The following SLC1A6 variants were observed in gnomAD, a reference collection of about 807,000 sequenced individuals.
SLC1A6 encodes the protein solute carrier family 1 member 6, also known as excitatory amino acid transporter 4.
A neutral mutation model predicts 42.1 loss-of-function variants in SLC1A6; 15 were observed. The ratio of observed to expected loss-of-function variants is 0.36; its 90% CI spans 0.24 to 0.55. The LOEUF is 0.55. SLC1A6 is among the 20% of genes least tolerant of loss of function. The probability of loss-of-function intolerance (pLI) is 0.88; values close to 1 mark genes in which losing one functional copy is unlikely to be tolerated. For synonymous variants in SLC1A6, 317 were observed against 319.7 expected (o/e 0.99, Z 0.09); for missense variants, 542 against 772.5 (o/e 0.70, Z 3.54).
chr19:14,968,030 T>C (rs1305662210), intron 4 of SLC1A6, among the ~76,000 whole-genome samples: 1 of 152,202 alleles, frequency 6.6e-6, no homozygotes, highest in Non-Finnish European at 1.5e-5. Flanking sequence ...GGTCATATGT[T>C]ACATGCAACT....
In SLC1A6 at chr19:14,979,245, G is replaced by C. The variant is rs1327770174; in HGVS notation, c.-8+64C>G. ...AAACGTGCCTGTGTGCGGAGGCCAC[G>C]GGTTGGGGAGGTGGGGAGACGGGCA... On this transcript the variant is annotated intron_variant, in intron 1 of 9. Coordinates refer to ENST00000594383, the MANE Select transcript of SLC1A6 (RefSeq NM_005071.3). This position sits in a 1 kb window ranked among gnomAD's most constrained non-coding sequence, Gnocchi z 4.2. 1 of 117,238 alleles carries C rather than the reference G, an allele frequency of 8.5e-6. No individual in the cohort carries two copies. Among genetic ancestry groups the C allele is most frequent in the Non-Finnish European group, 1.8e-5 (1 of 56,512 alleles). The allele number at this position is 117,238 out of a possible 1,614,324, so 7.3% of individuals were successfully genotyped here.
chr19:14,959,276 A>G (rs1003086815), intron 6 of SLC1A6, among the ~76,000 whole-genome samples: 2 of 152,188 alleles, frequency 1.3e-5, no homozygotes, highest in Admixed American at 6.5e-5. Context: ...GCTTTTACCT[A>G]TTTAGAAAAG....
intron 1 of SLC1A6, among the ~76,000 whole-genome samples, chr19:14,998,793 T>C (rs2045859107): frequency 6.6e-6 from 1 of 152,178 alleles, no homozygotes; most frequent in Non-Finnish European, 1.5e-5. Flanking sequence ...CCTTTCCAGG[T>C]CTTCTCCCTG....
upstream of SLC1A6, among the ~76,000 whole-genome samples, chr19:14,983,082 T>C (rs1416390801): frequency 6.6e-6 from 1 of 152,232 alleles, no homozygotes; most frequent in Non-Finnish European, 1.5e-5. Flanking sequence ...CACTAACATG[T>C]ATTTGTGACC....
intron 1 of SLC1A6, among the ~76,000 whole-genome samples, chr19:14,996,528 T>TTTTTTCTTCTTCTTCTTC (rs2045846847): frequency 7.9e-6 from 1 of 125,854 alleles, no homozygotes; most frequent in African/African-American, 3.1e-5. Flanking sequence ...CCTCCTCCTC[T>TTTTTTCTTCTTCTTCTTC]TTCTTCTTCT....
At chr19:14,975,866 GAAGGA>G (rs1568294666) in intron 1 of SLC1A6, among the ~76,000 whole-genome samples, 2 of 56,838 alleles carry the variant, frequency 3.5e-5, no homozygotes, top group Non-Finnish European at 3.5e-5. Context: ...GAAGGGAAGG[GAAGGA>G]AAGGGAAGGG....
intron 2 of SLC1A6, 31 bp downstream of exon 2, chr19:14,972,675 A>C: frequency 4.4e-6 from 7 of 1,597,338 alleles, no homozygotes; most frequent in Non-Finnish European, 6.0e-6. Flanking sequence ...CCTTTCCCTG[A>C]AGTCCCCGCC....
intron 7 of SLC1A6, among the ~76,000 whole-genome samples, chr19:14,955,433 C>CA (rs1417494123): frequency 7.1e-4 from 104 of 146,284 alleles, no homozygotes; most frequent in South Asian, 8.7e-4. Flanking sequence ...ACAACAACAA[C>CA]AACAAAAAAA....
upstream of SLC1A6, among the ~76,000 whole-genome samples, chr19:14,981,663 T>C (rs2045768615): frequency 6.6e-6 from 1 of 152,190 alleles, no homozygotes; most frequent in African/African-American, 2.4e-5. Context: ...GCCCTCGGTC[T>C]GTCACGCAAA....
chr19:15,003,588 G>A (rs1430997178), intron 1 of SLC1A6, among the ~76,000 whole-genome samples: 4 of 150,994 alleles, frequency 2.6e-5, no homozygotes, highest in South Asian at 4.2e-4. Context: ...GGAAGACATC[G>A]GGGAACCTAA....
At chr19:14,966,576 A>T (rs561378731) in intron 4 of SLC1A6, among the ~76,000 whole-genome samples, 157 of 152,342 alleles carry the variant, frequency 1.0e-3, no homozygotes, top group African/African-American at 3.7e-3. Context: ...TTAATTTTTT[A>T]AAAAATCGTG....
At chr19:14,971,696 A>G in intron 3 of SLC1A6, 41 bp downstream of exon 3, 1 of 1,608,530 alleles carries the variant, frequency 6.2e-7, no homozygotes, top group Non-Finnish European at 8.5e-7. Flanking sequence ...CTGAGGCTCT[A>G]GACGGGTCTT....
chr19:15,005,396 C>G (rs369886209), intron 1 of SLC1A6, among the ~76,000 whole-genome samples: 4 of 152,080 alleles, frequency 2.6e-5, no homozygotes, highest in Admixed American at 6.6e-5. Flanking sequence ...GTAATCCCAG[C>G]TACTCAGAAG....
upstream of SLC1A6, among the ~76,000 whole-genome samples, chr19:14,982,237 G>T (rs1180909393): frequency 1.3e-5 from 2 of 152,146 alleles, no homozygotes; most frequent in Non-Finnish European, 2.9e-5. Context: ...TAATAATAAT[G>T]TATCCATATT....
chr19:15,008,294 A>T (rs1219835537), intron 1 of SLC1A6, among the ~76,000 whole-genome samples: 1 of 151,254 alleles, frequency 6.6e-6, no homozygotes, highest in Non-Finnish European at 1.5e-5. Context: ...GCAGTGAACC[A>T]TGATCCCCCC....
chr19:14,956,418 A>G (rs1013247079), intron 7 of SLC1A6, 58 bp downstream of exon 7: 47 of 1,127,622 alleles, frequency 4.2e-5, no homozygotes, highest in Non-Finnish European at 5.2e-5. Context: ...TTAGGAGAGG[A>G]CATGAAGGAC....
chr19:14,968,562 T>G, intron 3 of SLC1A6, 55 bp from the exon 4 acceptor site: 12 of 1,434,178 alleles, frequency 8.4e-6, no homozygotes, highest in South Asian at 1.3e-5. Flanking sequence ...ACGCCAGCTC[T>G]CCTAGCATCC....
At chr19:14,992,260 G>T (rs76564139) in intron 1 of SLC1A6, among the ~76,000 whole-genome samples, 4,099 of 152,260 alleles carry the variant, frequency 0.027, 111 homozygotes, top group African/African-American at 0.068. Flanking sequence ...TGACATTGGA[G>T]TATTATTTAG....
In SLC1A6 at chr19:14,985,763, G is replaced by A. The variant is rs144876725; in HGVS notation, c.7-12846C>T. On this transcript the variant is annotated intron_variant, in intron 1 of 8. Coordinates refer to the SLC1A6 transcript ENST00000430939. ...GGATCGTTTGAGGCCAGGAGTTTGA[G>A]GCCAGCCTGTCCAATATGGCAAAAA... 9.8e-5 allele frequency among the ~76,000 whole-genome samples: 15 copies of A among 152,330 alleles called. No homozygotes were observed. In the East Asian group the frequency reaches 2.5e-3, roughly 25 times the overall value.
Sources: allele counts gnomAD v4.1 joint callset (sites outside exome capture counted in the v4.1 genomes callset), GRCh38; gene constraint gnomAD v4.1.1; non-coding constraint Gnocchi (gnomAD v3.1); transcripts MANE v1.5; gene names NCBI Gene and HGNC (gene_info 2026-07-23, HGNC 2026-07-21).